CAPS2: variants seen among roughly 807,000 people sequenced by gnomAD.
The protein encoded by CAPS2 is calcyphosin-2.
Under a neutral mutation model 86.5 loss-of-function variants are expected in CAPS2, and 98 were observed. That is an observed-to-expected ratio of 1.13 (90% CI 0.96 to 1.34). The LOEUF is 1.34. Ranked by LOEUF, CAPS2 falls within the 40% of genes most tolerant of loss-of-function variation. The pLI, the probability that CAPS2 is intolerant of heterozygous loss-of-function variation, is 0.00. For synonymous variants in CAPS2, 210 were observed against 225.1 expected (o/e 0.93, Z 0.60); for missense variants, 729 against 686.8 (o/e 1.06, Z -0.69).
rs2042500156 is a variant in CAPS2 at position 75,347,043 on chromosome 12, C to G, written c.-394-23821G>C. Among the ~76,000 whole-genome samples the G allele has an allele frequency of 2.6e-5, 4 of 151,054 alleles. No homozygotes were observed. In the South Asian group the frequency reaches 8.4e-4, roughly 32 times the overall value. ...CTAGTTTTCCATAGAAGTCTTCTTCCTTTTGAATAACTTTGCTATTCTTTG... is the reference window on the plus strand; with the variant it reads ...CTAGTTTTCCATAGAAGTCTTCTTCGTTTTGAATAACTTTGCTATTCTTTG... On this transcript the variant is annotated intron_variant, in intron 1 of 5. Transcript: ENST00000551829.
intron 7 of CAPS2, chr12:75,306,048 G>T: frequency 1.4e-6 from 2 of 1,474,172 alleles, no homozygotes; most frequent in South Asian, 1.2e-5. Flanking sequence ...CGGCGCCAGA[G>T]ACAGCGCCGT....
At chr12:75,353,415 T>G (rs180889194) in intron 1 of CAPS2, among the ~76,000 whole-genome samples, 1 of 152,176 alleles carries the variant, frequency 6.6e-6, no homozygotes, top group East Asian at 1.9e-4. Flanking sequence ...TAAATTCCTG[T>G]AAACATATGC....
chr12:75,341,724 G>A (rs1384185321), intron 1 of CAPS2, among the ~76,000 whole-genome samples: 1 of 150,534 alleles, frequency 6.6e-6, no homozygotes, highest in African/African-American at 2.4e-5. Flanking sequence ...GGGATTAAAG[G>A]CGTGAGCCAC....
chr12:75,300,020 G>T (rs950231103), intron 8 of CAPS2, 109 bp from the exon 9 acceptor site: 28 of 464,690 alleles, frequency 6.0e-5, no homozygotes, highest in Non-Finnish European at 1.1e-4. Context: ...ACACAGATTG[G>T]ATAACAATAA....
At chr12:75,294,852 A>T (rs759925696) in intron 11 of CAPS2, among the ~76,000 whole-genome samples, 3 of 152,238 alleles carry the variant, frequency 2.0e-5, no homozygotes, top group Non-Finnish European at 4.4e-5. Context: ...AGAGAATAGC[A>T]AAACAAATTT....
intron 12 of CAPS2, among the ~76,000 whole-genome samples, chr12:75,292,578 A>G (rs1237402342): frequency 6.8e-6 from 1 of 147,286 alleles, no homozygotes; most frequent in Non-Finnish European, 1.5e-5. Flanking sequence ...GTGTATATAT[A>G]TATAAAATAT....
intron 4 of CAPS2, chr12:75,322,817 A>G: frequency 1.8e-6 from 1 of 560,506 alleles, no homozygotes; most frequent in South Asian, 2.6e-5. Flanking sequence ...ACCAATTTCC[A>G]TGTGCGACAA....
intron 8 of CAPS2, among the ~76,000 whole-genome samples, chr12:75,302,248 T>C (rs368059020): frequency 6.6e-6 from 1 of 152,340 alleles, no homozygotes; most frequent in Middle Eastern, 3.4e-3. Context: ...GGATTTTTCA[T>C]GGACCTAGAT....
chr12:75,330,023 G>T, upstream of CAPS2: 1 of 618,892 alleles, frequency 1.6e-6, no homozygotes, highest in Non-Finnish European at 2.8e-6. Context: ...GAAAGCTTTA[G>T]ACAGGACAGT....
rs1465212054 is a variant in CAPS2 at position 75,321,646 on chromosome 12, G to A, written c.292-70C>T. The A allele has an allele frequency of 3.7e-6, 4 of 1,079,688 alleles. No individual in the cohort carries two copies. In the African/African-American group the frequency reaches 6.4e-5, roughly 17 times the overall value. 66.9% of individuals were successfully genotyped at this position (1,079,688 alleles called of 1,614,324 possible). A position where few individuals can be genotyped will look rare whatever the true frequency, so the allele number is the denominator to read the frequency against. On this transcript the variant is annotated intron_variant, in intron 4 of 16. Transcript: ENST00000393284. Reference sequence around the variant, plus strand: ...TTAATTTTCCTTATTGGCATTAACAGGTTTACCTCTTACCTTAGCATCCAT... The same window carrying A: ...TTAATTTTCCTTATTGGCATTAACAAGTTTACCTCTTACCTTAGCATCCAT...
At chr12:75,287,690 T>C (rs1028584019) in intron 14 of CAPS2, among the ~76,000 whole-genome samples, 2 of 152,216 alleles carry the variant, frequency 1.3e-5, no homozygotes, top group African/African-American at 4.8e-5. Flanking sequence ...ATACTTTGCG[T>C]ATTCATCTCT....
intron 1 of CAPS2, among the ~76,000 whole-genome samples, chr12:75,387,257 A>T (rs1482020277): frequency 1.3e-5 from 2 of 152,214 alleles, no homozygotes; most frequent in Non-Finnish European, 1.5e-5. Context: ...AAAAACCTTA[A>T]TGGACACCTC....
At chr12:75,347,713 A>G (rs1324883146) in intron 1 of CAPS2, 1 of 1,591,842 alleles carries the variant, frequency 6.3e-7, no homozygotes, top group Non-Finnish European at 8.6e-7. Flanking sequence ...GTATGCAACT[A>G]CGGACCTGCG....
At chr12:75,299,417 A>T (rs2037440311) in intron 9 of CAPS2, among the ~76,000 whole-genome samples, 1 of 152,136 alleles carries the variant, frequency 6.6e-6, no homozygotes, top group South Asian at 2.1e-4. Flanking sequence ...TATTACTGGA[A>T]ATCTATAAGA....
intron 1 of CAPS2, among the ~76,000 whole-genome samples, chr12:75,340,741 A>C (rs2042047237): frequency 6.6e-6 from 1 of 151,868 alleles, no homozygotes; most frequent in Admixed American, 6.6e-5. Flanking sequence ...GTAAAAAAAA[A>C]AAAGAAAAAA....
upstream of CAPS2, chr12:75,334,954 T>G: frequency 6.6e-7 from 1 of 1,519,750 alleles, no homozygotes; most frequent in Non-Finnish European, 9.0e-7. Context: ...TCCTGAGGTA[T>G]CTGGGTGATA....
At chr12:75,331,132 C>T (rs772829472), upstream of CAPS2, among the ~76,000 whole-genome samples, 8 of 152,072 alleles carry the variant, frequency 5.3e-5, no homozygotes, top group Non-Finnish European at 1.2e-4. Context: ...GCATCAACTC[C>T]TCATCTATAA....
chr12:75,296,367 C>A (rs1376302006), intron 11 of CAPS2, among the ~76,000 whole-genome samples: 1 of 151,974 alleles, frequency 6.6e-6, no homozygotes, highest in Non-Finnish European at 1.5e-5. Flanking sequence ...TCTCAGCTCA[C>A]TGCAAGCTCC....
At chr12:75,319,942 T>A (rs888103535) in intron 5 of CAPS2, among the ~76,000 whole-genome samples, 1 of 152,128 alleles carries the variant, frequency 6.6e-6, no homozygotes, top group Non-Finnish European at 1.5e-5. Context: ...TGAAAAGATA[T>A]CAAGTAAGTT....
Sources: gnomAD v4.1 joint callset for allele counts (sites outside exome capture counted in the v4.1 genomes callset) on GRCh38, gnomAD v4.1.1 for gene constraint, MANE v1.5 for transcripts, NCBI Gene and HGNC (gene_info 2026-07-23, HGNC 2026-07-21) for gene names.